The following PTPRD variants were observed in gnomAD, a reference collection of about 807,000 sequenced individuals.
PTPRD encodes protein tyrosine phosphatase receptor type D, also known as receptor-type tyrosine-protein phosphatase delta.
In PTPRD, 34 loss-of-function variants were observed where a neutral mutation model predicts 214.5. That is an observed-to-expected ratio of 0.16 (90% CI 0.12 to 0.21). The LOEUF is 0.21. Ranked by LOEUF, PTPRD falls within the 10% of genes least tolerant of loss-of-function variation. The probability of loss-of-function intolerance (pLI) is 1.00; values close to 1 mark genes in which losing one functional copy is unlikely to be tolerated. For missense variants in PTPRD, 2,545 were observed against 2,398.7 expected (o/e 1.06, Z -1.27); for synonymous variants, 1,128 against 845.7 (o/e 1.33, Z -5.79).
At chr9:9,745,826 A>G (rs1391840531) in intron 6 of PTPRD, among the ~76,000 whole-genome samples, 1 of 152,134 alleles carries the variant, frequency 6.6e-6, no homozygotes, top group Non-Finnish European at 1.5e-5. Flanking sequence ...TATAGTATAT[A>G]GTAAGGTAGC....
intron 3 of PTPRD, among the ~76,000 whole-genome samples, chr9:10,149,770 G>A (rs533679958): frequency 1.6e-4 from 23 of 145,544 alleles, no homozygotes; most frequent in African/African-American, 5.1e-4. Context: ...TTGCTCTGTC[G>A]TCCAGGCTGG....
At chr9:9,184,508 G>A (rs918360346) in intron 9 of PTPRD, among the ~76,000 whole-genome samples, 7 of 151,968 alleles carry the variant, frequency 4.6e-5, no homozygotes, top group Non-Finnish European at 8.8e-5. Flanking sequence ...CCACTAATAA[G>A]GTCTATTCAC....
At chr9:10,452,665 T>C (rs2098850011) in intron 2 of PTPRD, among the ~76,000 whole-genome samples, 1 of 151,860 alleles carries the variant, frequency 6.6e-6, no homozygotes, top group African/African-American at 2.4e-5. Flanking sequence ...AGATTATTCA[T>C]TTGTTTCATT....
At chr9:8,332,971 G>GACTC (rs1476857425) in intron 43 of PTPRD, among the ~76,000 whole-genome samples, 1 of 152,068 alleles carries the variant, frequency 6.6e-6, no homozygotes, top group Admixed American at 6.6e-5. Context: ...AGTGAACAGG[G>GACTC]ACTCAATCCT....
rs1303834888 is a variant in PTPRD, at chr9:10,357,185, CT to C, written c.-599-16169del. Among the ~76,000 whole-genome samples, 17 of 152,206 alleles carry C rather than the reference CT, an allele frequency of 1.1e-4. No homozygotes were observed. In the East Asian group the frequency reaches 1.2e-3, roughly 10 times the overall value. ...TCCTCATCTATTTCTCCTAGACCCC[CT>C]AGATCATTTTATGTACTGAAGCACT... On this transcript the variant is annotated intron_variant, in intron 2 of 45. Coordinates refer to ENST00000381196, the MANE Select transcript of PTPRD (RefSeq NM_002839.4).
chr9:10,582,807 C>T (rs554587620), intron 2 of PTPRD, among the ~76,000 whole-genome samples: 34 of 152,248 alleles, frequency 2.2e-4, no homozygotes, highest in African/African-American at 7.0e-4. Context: ...AGAAGTAATT[C>T]AGGGTACTGT....
intron 36 of PTPRD, among the ~76,000 whole-genome samples, chr9:8,398,573 G>A (rs2091744093): frequency 6.6e-6 from 1 of 152,234 alleles, no homozygotes; most frequent in Non-Finnish European, 1.5e-5. Context: ...CACTGTGATA[G>A]TACTGAGAGG....
At chr9:8,542,728 G>A (rs933375894) in intron 14 of PTPRD, among the ~76,000 whole-genome samples, 4 of 152,228 alleles carry the variant, frequency 2.6e-5, no homozygotes, top group African/African-American at 9.6e-5. Context: ...AAAGGGGCTC[G>A]TAGAGCAAGC....
intron 5 of PTPRD, among the ~76,000 whole-genome samples, chr9:9,888,114 T>C (rs1240649990): frequency 6.6e-6 from 1 of 152,178 alleles, no homozygotes; most frequent in Non-Finnish European, 1.5e-5. Flanking sequence ...CCTTCAGTCC[T>C]AAGGGAAGAT....
chr9:10,175,876 A>T (rs916872854), intron 3 of PTPRD, among the ~76,000 whole-genome samples: 1 of 152,048 alleles, frequency 6.6e-6, no homozygotes, highest in Non-Finnish European at 1.5e-5. Context: ...AAATTAAAAT[A>T]AATCTCCACA....
At chr9:9,234,450 C>T (rs895999363) in intron 9 of PTPRD, among the ~76,000 whole-genome samples, 2 of 152,164 alleles carry the variant, frequency 1.3e-5, no homozygotes, top group African/African-American at 4.8e-5. Flanking sequence ...GACATTTTCC[C>T]CATTGTCTTG....
chr9:10,107,650 A>C (rs549819019), intron 3 of PTPRD, among the ~76,000 whole-genome samples: 1 of 152,252 alleles, frequency 6.6e-6, no homozygotes, highest in East Asian at 1.9e-4. Context: ...TGTTCAATAA[A>C]TATAAGTTTA....
chr9:8,690,250 G>A (rs959573901), intron 12 of PTPRD, among the ~76,000 whole-genome samples: 8 of 151,862 alleles, frequency 5.3e-5, no homozygotes, highest in Non-Finnish European at 1.0e-4. Flanking sequence ...AGATTTGGCC[G>A]GGTGCGGAGG....
intron 3 of PTPRD, among the ~76,000 whole-genome samples, chr9:10,283,428 A>G (rs1330671239): frequency 6.6e-6 from 1 of 152,200 alleles, no homozygotes; most frequent in Admixed American, 6.5e-5. Flanking sequence ...CAACACGATA[A>G]GAATTCAATA....
intron 11 of PTPRD, among the ~76,000 whole-genome samples, chr9:8,832,827 A>AGATT (rs1292495277): frequency 9.9e-5 from 15 of 151,978 alleles, no homozygotes; most frequent in Admixed American, 7.9e-4. Flanking sequence ...TCTCTTTTTC[A>AGATT]GATTGCATGA....
intron 3 of PTPRD, among the ~76,000 whole-genome samples, chr9:10,138,890 A>G (rs1158783164): frequency 1.3e-5 from 2 of 152,090 alleles, no homozygotes; most frequent in African/African-American, 4.8e-5. Flanking sequence ...CATTGAAGGA[A>G]CATAGCTCAA....
intron 9 of PTPRD, among the ~76,000 whole-genome samples, chr9:9,367,303 T>C (rs184462885): frequency 1.3e-5 from 2 of 151,666 alleles, no homozygotes; most frequent in Admixed American, 1.3e-4. Flanking sequence ...AAAAGTATCA[T>C]TTCAAGGACA....
chr9:9,349,581 T>C (rs979285594), intron 9 of PTPRD, among the ~76,000 whole-genome samples: 2 of 126,230 alleles, frequency 1.6e-5, no homozygotes, highest in East Asian at 4.1e-4. Flanking sequence ...ATTTTTTTCA[T>C]TTCTCTAAGT....
intron 8 of PTPRD, among the ~76,000 whole-genome samples, chr9:9,496,645 G>A (rs900025084): frequency 3.9e-5 from 6 of 152,150 alleles, no homozygotes; most frequent in Admixed American, 3.9e-4. Flanking sequence ...CTTCTGCAAT[G>A]TTGGTGGGAA....
Sources: allele counts gnomAD v4.1 joint callset (sites outside exome capture counted in the v4.1 genomes callset), GRCh38; gene constraint gnomAD v4.1.1; transcripts MANE v1.5; gene names NCBI Gene and HGNC (gene_info 2026-07-23, HGNC 2026-07-21).